Variants in PDE7A observed in about 807,000 individuals in gnomAD.
PDE7A encodes the protein phosphodiesterase 7A, also known as high affinity 3',5'-cyclic-AMP phosphodiesterase 7A.
Under a neutral mutation model 64.3 loss-of-function variants are expected in PDE7A, and 39 were observed. The observed-to-expected ratio is 0.61, with a 90% CI of 0.47 to 0.79. The LOEUF (loss-of-function observed/expected upper bound fraction) is 0.79. Ranked by LOEUF, PDE7A falls within the 30% of genes least tolerant of loss-of-function variation. PDE7A has a pLI of 0.00. For synonymous variants in PDE7A, 203 were observed against 206.8 expected (o/e 0.98, Z 0.16); for missense variants, 470 against 582.8 (o/e 0.81, Z 1.99).
chr8:65,820,757 T>G (rs1585945392), intron 1 of PDE7A, among the ~76,000 whole-genome samples: 1 of 152,216 alleles, frequency 6.6e-6, no homozygotes, highest in East Asian at 1.9e-4. Context: ...GCCAGGCTAA[T>G]TTTTGTATTT....
In PDE7A at chr8:65,715,067, CAA is replaced by C. The variant is rs1052846793; in HGVS notation, c.*4221_*4222del. Reference sequence around the variant, plus strand: ...TCCCTCAGCCCCTGAAATGTTGAGCCAAGAGGCCCAAAGGGTGGCCATGTGTG... The same window carrying C: ...TCCCTCAGCCCCTGAAATGTTGAGCCGAGGCCCAAAGGGTGGCCATGTGTG... On this transcript the variant is annotated 3_prime_UTR_variant, in exon 13 of 13. Transcript: ENST00000401827. Among the ~76,000 whole-genome samples the C allele has an allele frequency of 7.2e-5, 11 of 152,226 alleles. No individual in the cohort carries two copies. The highest frequency in any genetic ancestry group is 6.8e-3 in the Middle Eastern group (2 of 294).
At position 65,804,951 on chromosome 8, in the gene PDE7A, T is replaced by C. The variant is rs6989952; in HGVS notation, c.139-22108A>G. Among the ~76,000 whole-genome samples the C allele has an allele frequency of 5.9e-3, 894 of 152,206 alleles. 9 individuals carry two copies. The highest frequency in any genetic ancestry group is 0.02 in the African/African-American group (845 of 41,530). ...CTCCTAGGCTCAAGTGATCCTCCTG[T>C]CTCTCATCCTCTCAAGTAGCTGAGG... On this transcript the variant is annotated intron_variant, in intron 1 of 12. Transcript: ENST00000401827.
chr8:65,754,244 C>A (rs1808108952), intron 3 of PDE7A, among the ~76,000 whole-genome samples: 1 of 151,576 alleles, frequency 6.6e-6, no homozygotes, highest in African/African-American at 2.4e-5. Flanking sequence ...TTAGATGGTG[C>A]CCCCCCGCCC....
At chr8:65,778,157 G>A (rs902034139) in intron 3 of PDE7A, among the ~76,000 whole-genome samples, 5 of 152,210 alleles carry the variant, frequency 3.3e-5, no homozygotes, top group African/African-American at 4.8e-5. Context: ...AGCAAGCTGT[G>A]TGACACAGCT....
chr8:65,803,685 C>A (rs999595101), intron 1 of PDE7A, among the ~76,000 whole-genome samples: 1 of 152,142 alleles, frequency 6.6e-6, no homozygotes, highest in Non-Finnish European at 1.5e-5. Flanking sequence ...TACAAAATAG[C>A]ATAACATTAT....
intron 1 of PDE7A, among the ~76,000 whole-genome samples, chr8:65,821,834 T>G (rs1810548915): frequency 6.6e-6 from 1 of 152,236 alleles, no homozygotes; most frequent in Non-Finnish European, 1.5e-5. Context: ...TTACATACAG[T>G]GAGTTAAATA....
At chr8:65,833,626 G>A (rs1166768193) in intron 1 of PDE7A, among the ~76,000 whole-genome samples, 2 of 152,148 alleles carry the variant, frequency 1.3e-5, no homozygotes, top group Non-Finnish European at 2.9e-5. Context: ...TGGTAAAAAT[G>A]AGAGTAATAC....
intron 1 of PDE7A, among the ~76,000 whole-genome samples, chr8:65,836,888 C>T (rs1201412931): frequency 1.3e-5 from 2 of 152,160 alleles, no homozygotes; most frequent in Non-Finnish European, 2.9e-5. Context: ...TGATCATATC[C>T]ACGTGGGCCA....
At chr8:65,764,034 G>A (rs1808642968) in intron 3 of PDE7A, among the ~76,000 whole-genome samples, 1 of 152,164 alleles carries the variant, frequency 6.6e-6, no homozygotes. Flanking sequence ...CTGGAAACTA[G>A]GTGAAAGTTT....
intron 9 of PDE7A, chr8:65,725,205 TA>T (rs986341682): frequency 2.3e-3 from 484 of 207,030 alleles, no homozygotes; most frequent in East Asian, 3.8e-3. Flanking sequence ...TTATTTGCTT[TA>T]AAAAAAAAAT....
At chr8:65,763,714 C>A (rs1808627072) in intron 3 of PDE7A, among the ~76,000 whole-genome samples, 2 of 152,144 alleles carry the variant, frequency 1.3e-5, no homozygotes, top group South Asian at 4.1e-4. Flanking sequence ...ATTCTTAATT[C>A]CCTTATTAAA....
chr8:65,799,326 G>A (rs534021065), intron 1 of PDE7A, among the ~76,000 whole-genome samples: 4 of 152,210 alleles, frequency 2.6e-5, no homozygotes, highest in African/African-American at 9.6e-5. Flanking sequence ...GTTAAATTGG[G>A]AGCAACAAGA....
chr8:65,762,954 T>C (rs1387155924), intron 3 of PDE7A, among the ~76,000 whole-genome samples: 2 of 151,040 alleles, frequency 1.3e-5, no homozygotes, highest in Non-Finnish European at 2.9e-5. Flanking sequence ...CTGGGCAACA[T>C]AGTGAGCCTC....
At chr8:65,787,698 T>C (rs1809597757) in intron 1 of PDE7A, among the ~76,000 whole-genome samples, 1 of 152,064 alleles carries the variant, frequency 6.6e-6, no homozygotes, top group Admixed American at 6.6e-5. Context: ...ATCTCAGTTC[T>C]TTGGAAAGTT....
chr8:65,769,247 C>CAAAAAAAAAAAAAAAAAAAAAAAAAAA (rs61554087), intron 3 of PDE7A, among the ~76,000 whole-genome samples: 1 of 74,456 alleles, frequency 1.3e-5, no homozygotes, highest in African/African-American at 5.1e-5. Flanking sequence ...GACTCAGTCT[C>CAAAAAAAAAAAAAAAAAAAAAAAAAAA]AAAAAAAAAA....
chr8:65,814,510 CAAAAAAAAAAAAAAAAA>C (rs140450405), intron 1 of PDE7A, among the ~76,000 whole-genome samples: 1 of 71,032 alleles, frequency 1.4e-5, no homozygotes, highest in African/African-American at 6.1e-5. Flanking sequence ...GACTCCGTCT[CAAAAAAAAAAAAAAAAA>C]AAAAAAAAGG....
rs563712272 is a variant in PDE7A, at chr8:65,765,317, G to A, written c.283+14403C>T. On this transcript the variant is annotated intron_variant, in intron 3 of 12. Transcript: ENST00000401827. ...ATCCCGGCTAAAACGGTGAAACCCCGTCTCTACTAAAAATACAAAAAATTA... is the reference window on the plus strand; with the variant it reads ...ATCCCGGCTAAAACGGTGAAACCCCATCTCTACTAAAAATACAAAAAATTA... Among the ~76,000 whole-genome samples, 274 of 150,638 alleles carry A rather than the reference G, an allele frequency of 1.8e-3. 1 individual carries two copies. The highest frequency in any genetic ancestry group is 6.4e-3 in the African/African-American group (264 of 41,046).
At chr8:65,768,605 C>A (rs1296241327) in intron 3 of PDE7A, among the ~76,000 whole-genome samples, 1 of 152,118 alleles carries the variant, frequency 6.6e-6, no homozygotes, top group Non-Finnish European at 1.5e-5. Context: ...TTATCAGCAG[C>A]GTAAAAACAG....
At chr8:65,756,548 A>C (rs1369003254) in intron 3 of PDE7A, among the ~76,000 whole-genome samples, 1 of 151,934 alleles carries the variant, frequency 6.6e-6, no homozygotes, top group East Asian at 1.9e-4. Flanking sequence ...TTTTCATTTC[A>C]GTTATTCTAC....
Sources: allele counts gnomAD v4.1 joint callset (sites outside exome capture counted in the v4.1 genomes callset), GRCh38; gene constraint gnomAD v4.1.1; transcripts MANE v1.5; gene names NCBI Gene and HGNC (gene_info 2026-07-23, HGNC 2026-07-21).